The following ATP10A variants were observed in gnomAD, a reference collection of about 807,000 sequenced individuals.
The protein encoded by ATP10A is ATPase phospholipid transporting 10A (putative).
ATP10A carries 111 observed loss-of-function variants against 147.8 expected under a neutral mutation model. That is an observed-to-expected ratio of 0.75 (90% CI 0.64 to 0.88). The LOEUF (loss-of-function observed/expected upper bound fraction) is 0.88, where lower values mean the gene tolerates loss of function less well. Ranked by LOEUF, ATP10A falls within the 40% of genes least tolerant of loss-of-function variation. The probability of loss-of-function intolerance (pLI) is 0.00; values close to 1 mark genes in which losing one functional copy is unlikely to be tolerated. For synonymous variants in ATP10A, 875 were observed against 841.6 expected, an observed-to-expected ratio of 1.04 and a Z score of -0.69; for missense variants, 1,927 against 1,959.0, an observed-to-expected ratio of 0.98 and a Z score of 0.31.
chr15:25,727,222 A>G lies in ATP10A; in HGVS notation c.785T>C (p.Leu262Pro). ...GKKAGLYKEN[L>P]LLRGCTLRNT... ...CCTAAGGGTGCAGCCCCTCAGCAGC[A>G]GGTTTTCTTTATACAGCCCGGCCTT... Residue 262 changes from leucine to proline, a missense_variant, in exon 4 of 21, where the codon CTG becomes CCG. Physicochemically the swap from Leu to Pro is moderately conservative, Grantham distance 98. Coordinates refer to ENST00000555815, the MANE Select transcript of ATP10A (RefSeq NM_024490.4). 1 of 1,614,112 alleles carries G rather than the reference A, an allele frequency of 6.2e-7. No individual in the cohort carries two copies. Among genetic ancestry groups the G allele is most frequent in the Non-Finnish European group, 8.5e-7 (1 of 1,180,026 alleles).
chr15:25,750,583 T>G (rs1372529857), intron 2 of ATP10A, among the ~76,000 whole-genome samples: 1 of 152,156 alleles, frequency 6.6e-6, no homozygotes, highest in Non-Finnish European at 1.5e-5. Flanking sequence ...CCTTAAGCTC[T>G]AGGTGATTTT....
chr15:25,844,253 C>T (rs569511919), intron 1 of ATP10A, among the ~76,000 whole-genome samples: 1 of 152,114 alleles, frequency 6.6e-6, no homozygotes, highest in African/African-American at 2.4e-5. Context: ...GTAGAAGGGA[C>T]CCTGAGGGAA....
At chr15:25,745,012 C>T (rs1350677028) in intron 2 of ATP10A, among the ~76,000 whole-genome samples, 1 of 152,100 alleles carries the variant, frequency 6.6e-6, no homozygotes, top group Admixed American at 6.5e-5. Flanking sequence ...ATGATGAAAA[C>T]CAAAGAAAAT....
intron 1 of ATP10A, among the ~76,000 whole-genome samples, chr15:25,831,027 G>A (rs1466237335): frequency 1.3e-5 from 2 of 152,160 alleles, no homozygotes; most frequent in Non-Finnish European, 2.9e-5. Context: ...AATTATATTT[G>A]GGGCAAATGA....
intron 2 of ATP10A, among the ~76,000 whole-genome samples, chr15:25,775,694 G>A (rs1030701344): frequency 3.3e-5 from 5 of 152,256 alleles, no homozygotes; most frequent in Non-Finnish European, 7.3e-5. Context: ...GGACGTGGGT[G>A]TGGCTGGGAT....
Position 25,761,752 on chromosome 15 carries a change from T to A in ATP10A, c.654+19267A>T, listed in dbSNP as rs149294140. Among the ~76,000 whole-genome samples, 16 of 152,364 alleles carry A rather than the reference T, an allele frequency of 1.1e-4. No homozygotes were observed. In the East Asian group the frequency reaches 3.1e-3, roughly 29 times the overall value. On this transcript the variant is annotated intron_variant, in intron 2 of 20. Transcript: ENST00000555815. ...AATGGCTATATTTACCCAGTGCCTG[T>A]TCCCCCATTGTATCTAGGAGGTAAC...
intron 1 of ATP10A, among the ~76,000 whole-genome samples, chr15:25,855,239 T>C (rs925825086): frequency 3.7e-4 from 56 of 152,122 alleles, no homozygotes; most frequent in African/African-American, 1.3e-3. Flanking sequence ...CAACACATTC[T>C]AGTCAATGGT....
At chr15:25,711,892 T>C (rs541125671) in intron 10 of ATP10A, among the ~76,000 whole-genome samples, 10 of 152,284 alleles carry the variant, frequency 6.6e-5, no homozygotes, top group African/African-American at 2.4e-4. Flanking sequence ...GAGAGCATTG[T>C]GGATTGTCTT....
At chr15:25,779,965 C>G (rs1400945563) in intron 2 of ATP10A, among the ~76,000 whole-genome samples, 2 of 152,062 alleles carry the variant, frequency 1.3e-5, no homozygotes, top group Non-Finnish European at 2.9e-5. Flanking sequence ...GCCGGGCGGG[C>G]GAGGTGCGGA....
At chr15:25,749,060 C>CAAAAA (rs1171259548) in intron 2 of ATP10A, among the ~76,000 whole-genome samples, 8 of 67,474 alleles carry the variant, frequency 1.2e-4, no homozygotes, top group Admixed American at 3.7e-4. Context: ...GAGACTCTGT[C>CAAAAA]AAAAAAAAAA....
intron 2 of ATP10A, among the ~76,000 whole-genome samples, chr15:25,738,838 C>A (rs1030245610): frequency 1.1e-4 from 16 of 152,122 alleles, no homozygotes; most frequent in African/African-American, 3.9e-4. Flanking sequence ...TATCAGGCAA[C>A]CCTGCTAGAA....
chr15:25,716,599 C>T (rs1901826191), intron 9 of ATP10A, 131 bp downstream of exon 9: 1 of 867,222 alleles, frequency 1.2e-6, no homozygotes, highest in East Asian at 2.8e-5. Flanking sequence ...CCACCGCATC[C>T]CCCTTAGGTC....
At chr15:25,855,144 A>T (rs1597005865) in intron 1 of ATP10A, among the ~76,000 whole-genome samples, 1 of 152,114 alleles carries the variant, frequency 6.6e-6, no homozygotes, top group East Asian at 1.9e-4. Context: ...CCAGTATAGT[A>T]CTTTTCTGAT....
intron 1 of ATP10A, among the ~76,000 whole-genome samples, chr15:25,836,929 C>T (rs1452047948): frequency 1.3e-5 from 2 of 152,192 alleles, no homozygotes; most frequent in Admixed American, 6.5e-5. Flanking sequence ...ACACCACCTG[C>T]CATGGGGCTC....
rs142704035 is a variant in ATP10A at position 25,702,034 on chromosome 15, G to A, written c.2642C>T (p.Ala881Val). The A allele has an allele frequency of 2.6e-4, 423 of 1,614,000 alleles. 1 individual carries two copies. Among genetic ancestry groups the A allele is most frequent in the Non-Finnish European group, 3.4e-4 (405 of 1,180,004 alleles). The change falls in exon 13 of 21, where the codon GCG becomes GTG. Residue 881 changes from alanine to valine, a missense_variant. By Grantham distance (64) the Ala-to-Val change is moderately conservative (BLOSUM62 0). Coordinates refer to ENST00000555815, the MANE Select transcript of ATP10A (RefSeq NM_024490.4). The part of the protein sequence containing the change: ...VPETISKLRQ[A>V]GLQIWVLTGD... The stretch of plus-strand genomic sequence containing the variant: ...AGTGAGAACCCAAATCTGCAGGCCC[G>A]CTTGACGCAATTTAGAAATAGTTTC...
At chr15:25,716,254 C>T (rs914466006) in intron 9 of ATP10A, among the ~76,000 whole-genome samples, 1 of 152,230 alleles carries the variant, frequency 6.6e-6, no homozygotes, top group Non-Finnish European at 1.5e-5. Context: ...GCAAGCTCCT[C>T]GTCCCAGAAG....
At chr15:25,850,376 G>A (rs944732996) in intron 1 of ATP10A, among the ~76,000 whole-genome samples, 6 of 152,282 alleles carry the variant, frequency 3.9e-5, no homozygotes, top group Admixed American at 3.9e-4. Context: ...GAGACAGACA[G>A]CGTGGATGCG....
intron 3 of ATP10A, among the ~76,000 whole-genome samples, chr15:25,732,505 C>T (rs1886996969): frequency 6.6e-6 from 1 of 150,466 alleles, no homozygotes; most frequent in South Asian, 2.1e-4. Flanking sequence ...ACTGCCAATC[C>T]ACTTTCTGTG....
At chr15:25,791,007 C>T (rs1448745701) in intron 1 of ATP10A, among the ~76,000 whole-genome samples, 3 of 151,932 alleles carry the variant, frequency 2.0e-5, no homozygotes, top group Non-Finnish European at 2.9e-5. Context: ...CACACTCCTC[C>T]GTCAGTATCT....
Sources: gnomAD v4.1 joint callset for allele counts (sites outside exome capture counted in the v4.1 genomes callset) on GRCh38, gnomAD v4.1.1 for gene constraint, MANE v1.5 for transcripts, NCBI Gene and HGNC (gene_info 2026-07-23, HGNC 2026-07-21) for gene names.